Variants in COL26A1 observed in about 807,000 individuals in gnomAD.
COL26A1 encodes the protein collagen alpha-1(XXVI) chain.
Under a neutral mutation model 59.3 loss-of-function variants are expected in COL26A1, and 41 were observed. The observed-to-expected ratio is 0.69, with a 90% CI of 0.54 to 0.90. The LOEUF (loss-of-function observed/expected upper bound fraction) is 0.90, where lower values mean the gene tolerates loss of function less well. Among genes scored for constraint, COL26A1 ranks in the 40% least tolerant of loss-of-function variants. COL26A1 has a pLI of 0.00. For synonymous variants in COL26A1, 266 were observed against 256.0 expected (o/e 1.04, Z -0.37); for missense variants, 612 against 602.3 (o/e 1.02, Z -0.17).
chr7:101,548,278 A>G (rs1158177476), intron 8 of COL26A1, among the ~76,000 whole-genome samples: 1 of 152,008 alleles, frequency 6.6e-6, no homozygotes, highest in Non-Finnish European at 1.5e-5. Context: ...ACAGGGAGGG[A>G]TCATGAGAGA....
Position 101,385,718 on chromosome 7 carries a change from A to G in COL26A1, c.158+22528A>G, listed in dbSNP as rs137888784. On this transcript the variant is annotated intron_variant, in intron 1 of 12. Coordinates refer to ENST00000313669, the MANE Select transcript of COL26A1 (RefSeq NM_001278563.3). ...TTTTAATTTTTTAATTTATTTGTTT[A>G]TTTGTTTTTTGAGTCTCACTCTGTC... 5.1e-3 allele frequency among the ~76,000 whole-genome samples: 758 copies of G among 147,324 alleles called. 9 individuals are homozygous for G. Among genetic ancestry groups the G allele is most frequent in the African/African-American group, 0.018 (731 of 39,728 alleles).
At chr7:101,522,413 G>A (rs1470674413) in intron 3 of COL26A1, among the ~76,000 whole-genome samples, 3 of 152,188 alleles carry the variant, frequency 2.0e-5, no homozygotes, top group Admixed American at 1.3e-4. Flanking sequence ...AGGAACAGAA[G>A]TTTATTTCCT....
chr7:101,533,527 G>A (rs1795414318), intron 4 of COL26A1, among the ~76,000 whole-genome samples: 1 of 152,170 alleles, frequency 6.6e-6, no homozygotes, highest in Admixed American at 6.5e-5. Context: ...CTCCGTGGAG[G>A]AGGAACTGCT....
chr7:101,371,159 C>T (rs138221592), intron 1 of COL26A1, among the ~76,000 whole-genome samples: 7 of 152,244 alleles, frequency 4.6e-5, no homozygotes, highest in South Asian at 4.2e-4. Flanking sequence ...ACTGAGCCCA[C>T]GTGTAGGTAG....
intron 1 of COL26A1, among the ~76,000 whole-genome samples, chr7:101,387,772 A>ATTTTTTTTTTTTTTT (rs1374717696): frequency 2.5e-3 from 106 of 42,460 alleles, no homozygotes; most frequent in Admixed American, 4.6e-3. Context: ...ATATATATAT[A>ATTTTTTTTTTTTTTT]TATATATTTT....
At chr7:101,418,927 C>T (rs751232263) in intron 1 of COL26A1, among the ~76,000 whole-genome samples, 3 of 152,080 alleles carry the variant, frequency 2.0e-5, no homozygotes, top group Non-Finnish European at 2.9e-5. Context: ...CCTAGCCCGG[C>T]AGGTCACATG....
intron 3 of COL26A1, among the ~76,000 whole-genome samples, chr7:101,528,829 A>G (rs560492434): frequency 6.6e-6 from 1 of 152,238 alleles, no homozygotes; most frequent in South Asian, 2.1e-4. Flanking sequence ...GATTCCAGCC[A>G]TGAGCCACCA....
chr7:101,440,285 G>A (rs976760238), intron 2 of COL26A1, among the ~76,000 whole-genome samples: 1 of 123,956 alleles, frequency 8.1e-6, no homozygotes, highest in African/African-American at 2.5e-5. Context: ...AGAATCGCTT[G>A]AACCCGGGAG....
intron 3 of COL26A1, among the ~76,000 whole-genome samples, chr7:101,481,384 G>A (rs951505615): frequency 2.7e-5 from 4 of 149,422 alleles, no homozygotes; most frequent in African/African-American, 9.8e-5. Context: ...TTTCTTTCTT[G>A]GGAACTCAGC....
intron 6 of COL26A1, among the ~76,000 whole-genome samples, chr7:101,544,571 C>T (rs1483464199): frequency 1.5e-5 from 2 of 136,156 alleles, no homozygotes; most frequent in Non-Finnish European, 3.1e-5. Flanking sequence ...TGTGCTGTGT[C>T]GCCCAGACTG....
At chr7:101,534,351 G>A (rs532010506) in intron 4 of COL26A1, among the ~76,000 whole-genome samples, 72 of 152,256 alleles carry the variant, frequency 4.7e-4, no homozygotes, top group Middle Eastern at 3.4e-3. Flanking sequence ...CTAGAAGAGA[G>A]CAGGGCCAGG....
intron 1 of COL26A1, among the ~76,000 whole-genome samples, chr7:101,387,960 G>A (rs1791633621): frequency 6.7e-6 from 1 of 150,136 alleles, no homozygotes; most frequent in African/African-American, 2.4e-5. Flanking sequence ...TTAAAGAGGG[G>A]TTTCACCATG....
chr7:101,494,659 A>G (rs1385154231), intron 3 of COL26A1, among the ~76,000 whole-genome samples: 2 of 152,252 alleles, frequency 1.3e-5, no homozygotes, highest in East Asian at 3.8e-4. Flanking sequence ...AGACAAGCTG[A>G]CTACAGCCAA....
intron 2 of COL26A1, among the ~76,000 whole-genome samples, chr7:101,430,269 TTCTTTCTC>T (rs528758139): frequency 4.4e-4 from 67 of 152,204 alleles, no homozygotes; most frequent in African/African-American, 1.5e-3. Flanking sequence ...TATTTTTAAT[TTCTTTCTC>T]TCTTTCTCTC....
At chr7:101,435,659 C>A (rs566338837) in intron 2 of COL26A1, among the ~76,000 whole-genome samples, 1 of 152,190 alleles carries the variant, frequency 6.6e-6, no homozygotes, top group South Asian at 2.1e-4. Flanking sequence ...CCTCGGTTGG[C>A]TGCTGGCTGG....
At chr7:101,486,679 A>G (rs1794276434) in intron 3 of COL26A1, among the ~76,000 whole-genome samples, 1 of 152,258 alleles carries the variant, frequency 6.6e-6, no homozygotes, top group Non-Finnish European at 1.5e-5. Context: ...CGGAGATGCC[A>G]ACACGCCTTT....
chr7:101,455,503 C>CTTTTTTTTT (rs10690062), intron 3 of COL26A1, among the ~76,000 whole-genome samples: 31 of 116,548 alleles, frequency 2.7e-4, no homozygotes, highest in African/African-American at 4.1e-4. Context: ...CTTTTCTTTT[C>CTTTTTTTTT]TTTTTTTTTT....
At chr7:101,523,553 C>T (rs1406811586) in intron 3 of COL26A1, among the ~76,000 whole-genome samples, 4 of 152,072 alleles carry the variant, frequency 2.6e-5, no homozygotes, top group African/African-American at 9.7e-5. Context: ...GACTTTTGCA[C>T]GTGGTATGGA....
At chr7:101,433,860 A>T (rs1792838134) in intron 2 of COL26A1, among the ~76,000 whole-genome samples, 1 of 152,162 alleles carries the variant, frequency 6.6e-6, no homozygotes. Flanking sequence ...CCTTGAAGGC[A>T]GGATGCTCTG....
Sources: allele counts gnomAD v4.1 joint callset (sites outside exome capture counted in the v4.1 genomes callset), GRCh38; gene constraint gnomAD v4.1.1; transcripts MANE v1.5; gene names NCBI Gene and HGNC (gene_info 2026-07-23, HGNC 2026-07-21).